HVCN1: variants seen among roughly 807,000 people sequenced by gnomAD.
HVCN1 encodes voltage-gated hydrogen channel 1.
Under a neutral mutation model 29.2 loss-of-function variants are expected in HVCN1, and 14 were observed. The observed-to-expected ratio is 0.48, with a 90% CI of 0.32 to 0.75. HVCN1 has a LOEUF of 0.75. Among genes scored for constraint, HVCN1 ranks in the 30% least tolerant of loss-of-function variants. The probability of loss-of-function intolerance (pLI) is 0.04; values close to 1 mark genes in which losing one functional copy is unlikely to be tolerated. For synonymous variants in HVCN1, 131 were observed against 133.2 expected, an observed-to-expected ratio of 0.98 and a Z score of 0.11; for missense variants, 263 against 341.8, an observed-to-expected ratio of 0.77 and a Z score of 1.82.
At chr12:110,684,280 G>A (rs1293634584) in intron 2 of HVCN1, among the ~76,000 whole-genome samples, 2 of 129,996 alleles carry the variant, frequency 1.5e-5, no homozygotes, top group African/African-American at 3.0e-5. Flanking sequence ...TAGAGGTGAA[G>A]GCCGCACACT....
intron 3 of HVCN1, among the ~76,000 whole-genome samples, chr12:110,681,697 C>T (rs1417874118): frequency 6.6e-6 from 1 of 152,128 alleles, no homozygotes; most frequent in Non-Finnish European, 1.5e-5. Flanking sequence ...CATTCTGACC[C>T]TCACATTTGC....
At chr12:110,700,673 G>A (rs933602719) in intron 2 of HVCN1, among the ~76,000 whole-genome samples, 6 of 152,102 alleles carry the variant, frequency 3.9e-5, no homozygotes, top group African/African-American at 1.4e-4. Flanking sequence ...GCTCACTGCA[G>A]CCTTGACCTC....
At chr12:110,680,231 G>A (rs2068911301) in intron 3 of HVCN1, among the ~76,000 whole-genome samples, 1 of 152,122 alleles carries the variant, frequency 6.6e-6, no homozygotes, top group South Asian at 2.1e-4. Flanking sequence ...TCTCAGGCTA[G>A]CTTCTGTGTG....
chr12:110,675,431 C>T (rs1228812546), intron 3 of HVCN1, among the ~76,000 whole-genome samples: 1 of 151,998 alleles, frequency 6.6e-6, no homozygotes, highest in Non-Finnish European at 1.5e-5. Flanking sequence ...TGCACTCCGA[C>T]CTGGGTGACA....
chr12:110,700,009 C>T (rs2069547577), intron 2 of HVCN1, among the ~76,000 whole-genome samples: 2 of 152,138 alleles, frequency 1.3e-5, no homozygotes, highest in African/African-American at 4.8e-5. Context: ...GCAGGAGGAC[C>T]CAGGAGGGGG....
chr12:110,680,189 A>C (rs1201158419), intron 3 of HVCN1, among the ~76,000 whole-genome samples: 1 of 152,176 alleles, frequency 6.6e-6, no homozygotes, highest in African/African-American at 2.4e-5. Flanking sequence ...CTCTTTCCCC[A>C]GCCCCCCAGC....
chr12:110,691,521 C>A (rs1335475609), upstream of HVCN1, among the ~76,000 whole-genome samples: 2 of 152,202 alleles, frequency 1.3e-5, no homozygotes, highest in Non-Finnish European at 2.9e-5. Flanking sequence ...CCAGGGCCAG[C>A]TAGACAGAGT....
chr12:110,673,761 G>T (rs145261534), intron 3 of HVCN1, among the ~76,000 whole-genome samples: 2,429 of 152,346 alleles, frequency 0.016, 79 homozygotes, highest in African/African-American at 0.055. Flanking sequence ...CAGGTGCACA[G>T]AAGTCAAGAA....
chr12:110,659,366 C>T (rs888749598), intron 4 of HVCN1, among the ~76,000 whole-genome samples: 2 of 152,268 alleles, frequency 1.3e-5, no homozygotes, highest in South Asian at 2.1e-4. Flanking sequence ...ATAAAGTCAG[C>T]GATGGAAGAG....
chr12:110,662,425 C>T (rs1434167195), intron 3 of HVCN1, among the ~76,000 whole-genome samples: 3 of 152,140 alleles, frequency 2.0e-5, no homozygotes, highest in Non-Finnish European at 1.5e-5. Flanking sequence ...AAATAGGGTG[C>T]GCATGGTGGC....
intron 3 of HVCN1, among the ~76,000 whole-genome samples, chr12:110,682,055 T>C (rs1041799360): frequency 4.6e-5 from 7 of 152,174 alleles, no homozygotes; most frequent in Non-Finnish European, 8.8e-5. Flanking sequence ...TGGTGCGATC[T>C]TGGCTCACTG....
chr12:110,650,920 G>A (rs1027717395), intron 6 of HVCN1, among the ~76,000 whole-genome samples: 3 of 151,824 alleles, frequency 2.0e-5, no homozygotes, highest in South Asian at 2.1e-4. Flanking sequence ...GGTTGGTCTC[G>A]AACTCCTGGG....
chr12:110,676,923 T>C lies in HVCN1; in HGVS notation c.21+6302A>G, dbSNP rs2068767677. On this transcript the variant is annotated intron_variant, in intron 3 of 7. Coordinates refer to ENST00000242607, the MANE Select transcript of HVCN1 (RefSeq NM_032369.4). The surrounding 1 kb of genome is among the most constrained non-coding windows in gnomAD (Gnocchi z 4.1). ...CCTGACACACTCCCTTATTTAAAAC[T>C]TTTGGCTGGGTGCAGTCACTCACAC... Among the ~76,000 whole-genome samples the C allele has an allele frequency of 1.3e-5, 2 of 152,056 alleles. No individual in the cohort carries two copies. Among genetic ancestry groups the C allele is most frequent in the South Asian group, 4.1e-4 (2 of 4,826 alleles).
rs1353253411 is a variant in HVCN1, at chr12:110,661,257, G to A, written c.213C>T (p.Ala71=). Residue 71 remains alanine (A), a synonymous_variant, in exon 4 of 8, where the codon GCC becomes GCT. Coordinates refer to ENST00000242607, the MANE Select transcript of HVCN1 (RefSeq NM_032369.4). This position sits in a 1 kb window ranked among gnomAD's most constrained non-coding sequence, Gnocchi z 6.2. ...GGCCAGGGGCAGGGGCAACGTCAGG[G>A]GCTGCAGCTCTGCCTTCCTCGCCTG... The part of the protein sequence containing the change: ...PVSGEEGRAA[A]PDVAPAPGPA... The A allele has an allele frequency of 6.2e-7, 1 of 1,614,128 alleles. No homozygotes were observed. Among genetic ancestry groups the A allele is most frequent in the African/African-American group, 1.3e-5 (1 of 75,026 alleles).
At chr12:110,692,424 T>C (rs1383252682), upstream of HVCN1, among the ~76,000 whole-genome samples, 7 of 152,202 alleles carry the variant, frequency 4.6e-5, no homozygotes, top group Middle Eastern at 3.4e-3. Context: ...AGGCCAACAA[T>C]ACTTAAAGGA....
intron 3 of HVCN1, among the ~76,000 whole-genome samples, chr12:110,665,719 C>G (rs1412703549): frequency 6.6e-6 from 1 of 151,872 alleles, no homozygotes; most frequent in East Asian, 1.9e-4. Context: ...CAAAAAAGAT[C>G]CAGCTGGCTA....
In HVCN1 at chr12:110,659,709, A is replaced by G. The variant is rs755481701; in HGVS notation, c.306+1455T>C. On this transcript the variant is annotated intron_variant, in intron 4 of 7. Transcript: ENST00000242607. Reference sequence around the variant, plus strand: ...CAAGATGGGAGGATCACTTGAGGCCAGGAATTCGAGACCAGCCTGGGCAAC... The same window carrying G: ...CAAGATGGGAGGATCACTTGAGGCCGGGAATTCGAGACCAGCCTGGGCAAC... Among the ~76,000 whole-genome samples, 24 of 152,316 alleles carry G rather than the reference A, an allele frequency of 1.6e-4. 1 individual carries two copies. Among genetic ancestry groups the G allele is most frequent in the Admixed American group, 9.2e-4 (14 of 15,300 alleles).
intron 2 of HVCN1, among the ~76,000 whole-genome samples, chr12:110,698,421 C>T (rs532512959): frequency 3.7e-4 from 57 of 152,330 alleles, no homozygotes; most frequent in Non-Finnish European, 7.1e-4. Context: ...AGCAGCATCT[C>T]CTTGTTCCAC....
upstream of HVCN1, among the ~76,000 whole-genome samples, chr12:110,694,027 ATTTTC>A: frequency 6.6e-6 from 1 of 151,972 alleles, no homozygotes; most frequent in East Asian, 1.9e-4. The surrounding 1 kb of genome is among the most constrained non-coding windows in gnomAD (Gnocchi z 4.6). Context: ...GCTTGCTTGA[ATTTTC>A]TGGGTGTCCT....
Sources: allele counts gnomAD v4.1 joint callset (sites outside exome capture counted in the v4.1 genomes callset), GRCh38; gene constraint gnomAD v4.1.1; non-coding constraint Gnocchi (gnomAD v3.1); transcripts MANE v1.5; gene names NCBI Gene and HGNC (gene_info 2026-07-23, HGNC 2026-07-21).